CREB3L1: variants seen among roughly 807,000 people sequenced by gnomAD.
The protein encoded by CREB3L1 is cyclic AMP-responsive element-binding protein 3-like protein 1.
In CREB3L1, 33 loss-of-function variants were observed where a neutral mutation model predicts 54.5. The ratio of observed to expected loss-of-function variants is 0.61; its 90% CI spans 0.46 to 0.81. The LOEUF is 0.81. Among genes scored for constraint, CREB3L1 ranks in the 30% least tolerant of loss-of-function variants. The pLI is 0.00. For missense variants in CREB3L1, 656 were observed against 673.3 expected (o/e 0.97, Z 0.29); for synonymous variants, 284 against 286.4 (o/e 0.99, Z 0.08).
At chr11:46,281,934 CA>C (rs1412094770) in intron 1 of CREB3L1, among the ~76,000 whole-genome samples, 1 of 152,090 alleles carries the variant, frequency 6.6e-6, no homozygotes, top group Non-Finnish European at 1.5e-5. Flanking sequence ...TGGAGGAGCC[CA>C]AATCTCAGGG....
rs1939190749 is a variant in CREB3L1, at chr11:46,295,242, G to C, written c.103-4693G>C. 1.0e-5 allele frequency: 1 copy of C among 96,220 alleles called. No individual in the cohort carries two copies. Among genetic ancestry groups the C allele is most frequent in the Non-Finnish European group, 1.9e-5 (1 of 51,986 alleles). The allele number at this position is 96,220 out of a possible 1,614,324, so 6.0% of individuals were successfully genotyped here. ...CACTGACCTTGGGGAAGGAATTTAG[G>C]GAGGGGTAAAACAAGGCTAGAGCTG... On this transcript the variant is annotated intron_variant, in intron 1 of 11. Coordinates refer to ENST00000621158, the MANE Select transcript of CREB3L1 (RefSeq NM_052854.4). The surrounding 1 kb of genome is among the most constrained non-coding windows in gnomAD (Gnocchi z 4.6).
rs879806604 is a variant in CREB3L1, at chr11:46,278,779, C to T, written c.102+566C>T. 3.9e-5 allele frequency among the ~76,000 whole-genome samples: 6 copies of T among 152,196 alleles called. No homozygotes were observed. The highest frequency in any genetic ancestry group is 7.2e-5 in the African/African-American group (3 of 41,462). On this transcript the variant is annotated intron_variant, in intron 1 of 11. Coordinates refer to ENST00000621158, the MANE Select transcript of CREB3L1 (RefSeq NM_052854.4). This position sits in a 1 kb window ranked among gnomAD's most constrained non-coding sequence, Gnocchi z 4.2. ...AGGCTGGGGGCTGGGAAGAGGCGGT[C>T]AGGGCAACATAGGGTGATGGCTCAG...
chr11:46,283,941 A>T (rs765659339), intron 1 of CREB3L1, among the ~76,000 whole-genome samples: 18 of 152,162 alleles, frequency 1.2e-4, no homozygotes, highest in Admixed American at 3.3e-4. Flanking sequence ...TGGGGTTTTC[A>T]GGATCCTGGA....
rs1225533037 is a variant in CREB3L1 at position 46,278,054 on chromosome 11, C to CG, written c.-57dup. 21 of 1,095,442 alleles carry CG rather than the reference C, an allele frequency of 1.9e-5. No individual in the cohort carries two copies. Among genetic ancestry groups the CG allele is most frequent in the Non-Finnish European group, 2.7e-5 (21 of 772,150 alleles). The allele number at this position is 1,095,442 out of a possible 1,614,324, so 67.9% of individuals were successfully genotyped here. A position where few individuals can be genotyped will look rare whatever the true frequency, so the allele number is the denominator to read the frequency against. ...TCAGGCAGGAGCTCTGGACTGGGCGCGCCGCCGCCCTGGAGTGAGGGAAGC... is the reference window on the plus strand; with the variant it reads ...TCAGGCAGGAGCTCTGGACTGGGCGCGGCCGCCGCCCTGGAGTGAGGGAAGC... On this transcript the variant is annotated 5_prime_UTR_variant, in exon 1 of 12. Transcript: ENST00000621158. This position sits in a 1 kb window ranked among gnomAD's most constrained non-coding sequence, Gnocchi z 4.2.
At chr11:46,300,227 G>A in intron 2 of CREB3L1, 64 bp downstream of exon 2, 1 of 1,306,276 alleles carries the variant, frequency 7.7e-7, no homozygotes, top group Non-Finnish European at 1.1e-6. Context: ...GGAAGCTCTG[G>A]GGTGACAAGA....
intron 1 of CREB3L1, among the ~76,000 whole-genome samples, chr11:46,289,835 A>G (rs1213448337): frequency 6.6e-6 from 1 of 152,162 alleles, no homozygotes; most frequent in Non-Finnish European, 1.5e-5. Flanking sequence ...GGAGTTTTTC[A>G]GCAGGCAGGA....
At chr11:46,308,192 A>G (rs932182016) in intron 3 of CREB3L1, among the ~76,000 whole-genome samples, 192 bp downstream of exon 3, 5 of 148,108 alleles carry the variant, frequency 3.4e-5, no homozygotes, top group Non-Finnish European at 7.5e-5. Context: ...ACCATACCGC[A>G]ACGGGCACAA....
intron 8 of CREB3L1, among the ~76,000 whole-genome samples, chr11:46,314,110 T>A (rs932174314): frequency 6.6e-5 from 10 of 151,558 alleles, no homozygotes; most frequent in African/African-American, 2.2e-4. Context: ...TGGTGGTGCA[T>A]GCCTGTAATC....
intron 2 of CREB3L1, among the ~76,000 whole-genome samples, chr11:46,302,545 T>C (rs1406970716): frequency 6.6e-6 from 1 of 152,256 alleles, no homozygotes; most frequent in African/African-American, 2.4e-5. Flanking sequence ...AGTATCTATA[T>C]CTACAAATGC....
chr11:46,320,200 A>G, intron 10 of CREB3L1, 64 bp from the exon 11 acceptor site: 1 of 1,505,864 alleles, frequency 6.6e-7, no homozygotes, highest in African/African-American at 1.4e-5. Flanking sequence ...CCACTAGGCC[A>G]TGAATGTGGC....
At chr11:46,296,267 G>A (rs1414278806) in intron 1 of CREB3L1, among the ~76,000 whole-genome samples, 1 of 152,088 alleles carries the variant, frequency 6.6e-6, no homozygotes, top group African/African-American at 2.4e-5. Context: ...GAGGTCTGAG[G>A]TCTCCAAAAT....
At chr11:46,290,552 G>A (rs1939114733) in intron 1 of CREB3L1, among the ~76,000 whole-genome samples, 1 of 151,384 alleles carries the variant, frequency 6.6e-6, no homozygotes, top group African/African-American at 2.4e-5. Flanking sequence ...TATCTGCTTG[G>A]AACTCTCTCC....
chr11:46,298,776 A>T (rs1419355960), intron 1 of CREB3L1, among the ~76,000 whole-genome samples: 2 of 152,202 alleles, frequency 1.3e-5, no homozygotes, highest in African/African-American at 4.8e-5. Context: ...AATGTACAAG[A>T]ACCTACCATA....
At position 46,295,620 on chromosome 11, in the gene CREB3L1, T is replaced by A. The variant is rs1349442020; in HGVS notation, c.103-4315T>A. 1.3e-5 allele frequency among the ~76,000 whole-genome samples: 2 copies of A among 152,116 alleles called. No homozygotes were observed. The highest frequency in any genetic ancestry group is 1.3e-4 in the Admixed American group (2 of 15,282). ...CTCCTCCGCGCGAGCCCTGCACTCC[T>A]CCGGTGCCCTCCACGCCGCCACCGG... is the stretch of plus-strand genomic sequence containing the variant. On this transcript the variant is annotated intron_variant, in intron 1 of 11. Coordinates refer to ENST00000621158, the MANE Select transcript of CREB3L1 (RefSeq NM_052854.4). The surrounding 1 kb of genome is among the most constrained non-coding windows in gnomAD (Gnocchi z 4.6).
chr11:46,287,602 T>G (rs1939072909), intron 1 of CREB3L1, among the ~76,000 whole-genome samples: 1 of 152,078 alleles, frequency 6.6e-6, no homozygotes, highest in Non-Finnish European at 1.5e-5. Context: ...ACCTGGACAA[T>G]TTTTAATTTT....
At chr11:46,284,679 C>G (rs1299595979) in intron 1 of CREB3L1, among the ~76,000 whole-genome samples, 1 of 150,414 alleles carries the variant, frequency 6.6e-6, no homozygotes, top group African/African-American at 2.5e-5. Flanking sequence ...AAGGCATTTC[C>G]ACAGGGACTG....
At chr11:46,305,126 C>T (rs575703237) in intron 2 of CREB3L1, among the ~76,000 whole-genome samples, 7 of 152,294 alleles carry the variant, frequency 4.6e-5, no homozygotes, top group South Asian at 4.1e-4. Flanking sequence ...GTTGGCTCCC[C>T]TCCCCTCTCC....
chr11:46,299,261 G>A lies in CREB3L1; in HGVS notation c.103-674G>A, dbSNP rs548231410. 5.8e-4 allele frequency among the ~76,000 whole-genome samples: 89 copies of A among 152,206 alleles called. 2 individuals carry two copies. In the South Asian group the frequency reaches 0.018, roughly 30 times the overall value. On this transcript the variant is annotated intron_variant, in intron 1 of 11. Transcript: ENST00000621158. ...AAACAGCACTGAATCATAGCTAGAA[G>A]GATGGAGGCCACCATTCGAACCTAA...
rs533276766 is a variant in CREB3L1 at position 46,294,522 on chromosome 11, T to C, written c.103-5413T>C. ...GAGGAGACACCTGCCACTGCCCAGG[T>C]CTCAGAGCACACCTGGGTCTTGAAT... On this transcript the variant is annotated intron_variant, in intron 1 of 11. Coordinates refer to ENST00000621158, the MANE Select transcript of CREB3L1 (RefSeq NM_052854.4). Among the ~76,000 whole-genome samples, 6 of 152,236 alleles carry C rather than the reference T, an allele frequency of 3.9e-5. No homozygotes were observed. In the East Asian group the frequency reaches 1.2e-3, roughly 29 times the overall value.
Sources: gnomAD v4.1 joint callset for allele counts (sites outside exome capture counted in the v4.1 genomes callset) on GRCh38, gnomAD v4.1.1 for gene constraint, Gnocchi (gnomAD v3.1) non-coding constraint, MANE v1.5 for transcripts, NCBI Gene and HGNC (gene_info 2026-07-23, HGNC 2026-07-21) for gene names.